CNIH3: variants seen among roughly 807,000 people sequenced by gnomAD.
The protein encoded by CNIH3 is protein cornichon homolog 3.
CNIH3 carries 14 observed loss-of-function variants against 24.1 expected under a neutral mutation model. The ratio of observed to expected loss-of-function variants is 0.58; its 90% CI spans 0.38 to 0.91. The LOEUF (loss-of-function observed/expected upper bound fraction) is 0.91. Among genes scored for constraint, CNIH3 ranks in the 40% least tolerant of loss-of-function variants. The pLI is 0.00. For synonymous variants in CNIH3, 68 were observed against 73.8 expected, an observed-to-expected ratio of 0.92 and a Z score of 0.40; for missense variants, 178 against 196.8, an observed-to-expected ratio of 0.90 and a Z score of 0.57.
intron 1 of CNIH3, among the ~76,000 whole-genome samples, chr1:224,484,262 A>G (rs947132408): frequency 9.3e-5 from 14 of 150,988 alleles, no homozygotes; most frequent in African/African-American, 3.4e-4. Context: ...AACCCTGTCT[A>G]TACTAAAAAT....
At chr1:224,621,153 A>G (rs1683259663) in intron 1 of CNIH3, among the ~76,000 whole-genome samples, 3 of 152,242 alleles carry the variant, frequency 2.0e-5, no homozygotes, top group Admixed American at 2.0e-4. Context: ...CCCTAGAAAG[A>G]TCTGATGCAC....
intron 1 of CNIH3, chr1:224,459,152 G>A: frequency 1.1e-6 from 1 of 932,560 alleles, no homozygotes; most frequent in Non-Finnish European, 1.3e-6. Context: ...GGACATCCAG[G>A]GCCCCTCTCT....
At chr1:224,434,742 G>T (rs1674562716) in exon 1 of CNIH3, 2 of 987,226 alleles carry the variant, frequency 2.0e-6, no homozygotes, top group Middle Eastern at 5.2e-4. Flanking sequence ...TCTGTCCTCG[G>T]ATCCGCTCCG....
intron 3 of CNIH3, among the ~76,000 whole-genome samples, chr1:224,707,436 G>A (rs1310804434): frequency 5.0e-5 from 7 of 139,244 alleles, no homozygotes; most frequent in Admixed American, 2.9e-4. Context: ...GACACCCCCC[G>A]CCCCACCCCG....
intron 1 of CNIH3, among the ~76,000 whole-genome samples, chr1:224,474,821 A>T (rs1013142793): frequency 1.3e-5 from 2 of 151,768 alleles, no homozygotes; most frequent in Non-Finnish European, 1.5e-5. Flanking sequence ...AGGTCAGGAG[A>T]TCGAGACCAT....
chr1:224,453,673 C>T (rs1325985635), intron 1 of CNIH3, among the ~76,000 whole-genome samples: 1 of 151,298 alleles, frequency 6.6e-6, no homozygotes, highest in Non-Finnish European at 1.5e-5. Context: ...TTATATTGCC[C>T]AGACTGGAAT....
intron 4 of CNIH3, among the ~76,000 whole-genome samples, chr1:224,732,698 G>GGC (rs1410918904): frequency 2.6e-5 from 4 of 152,166 alleles, no homozygotes. Flanking sequence ...GGGCTGTCAA[G>GGC]GCAGGGTATC....
chr1:224,513,082 T>TTTCTAGA (rs1678222905), upstream of CNIH3, among the ~76,000 whole-genome samples: 1 of 152,190 alleles, frequency 6.6e-6, no homozygotes, highest in Non-Finnish European at 1.5e-5. Flanking sequence ...TTTATCTCTT[T>TTTCTAGA]TTCTAGATGG....
chr1:224,669,392 C>T (rs976655340), intron 1 of CNIH3, among the ~76,000 whole-genome samples: 2 of 152,228 alleles, frequency 1.3e-5, no homozygotes, highest in African/African-American at 4.8e-5. Context: ...TGATGCCTCC[C>T]TCCTCAGCTC....
At chr1:224,705,661 G>A (rs776246543) in intron 3 of CNIH3, among the ~76,000 whole-genome samples, 1 of 152,144 alleles carries the variant, frequency 6.6e-6, no homozygotes. Flanking sequence ...GGTGGTGTCT[G>A]TTCTCTCTGT....
chr1:224,507,367 T>C (rs1677961851), intron 1 of CNIH3, among the ~76,000 whole-genome samples: 1 of 152,198 alleles, frequency 6.6e-6, no homozygotes, highest in Non-Finnish European at 1.5e-5. Context: ...TCTCTGTGCC[T>C]CAGTTTTCTC....
At position 224,730,512 on chromosome 1, in the gene CNIH3, G is replaced by C. The variant is rs1325427031; in HGVS notation, c.249G>C (p.Leu83=). The part of the protein sequence containing the change: ...SIHSLFCIMF[L]CAQEWLTLGL... ...ATAGCCTCTTCTGCATTATGTTCCT[G>C]TGTGCGCAAGAGTGGCTCACGCTGG... Residue 83 remains leucine, a synonymous_variant, in exon 4 of 6, where the codon CTG becomes CTC. Transcript: ENST00000272133. 6.4e-7 allele frequency: 1 copy of C among 1,562,182 alleles called. No individual in the cohort carries two copies. The highest frequency in any genetic ancestry group is 8.7e-7 in the Non-Finnish European group (1 of 1,151,752).
intron 1 of CNIH3, among the ~76,000 whole-genome samples, chr1:224,673,835 C>T (rs1027904550): frequency 1.3e-5 from 2 of 151,912 alleles, no homozygotes; most frequent in African/African-American, 4.8e-5. Flanking sequence ...TTCAGTAACC[C>T]AACATTTTCT....
chr1:224,560,415 C>A (rs1175051442), intron 3 of CNIH3, among the ~76,000 whole-genome samples: 1 of 152,170 alleles, frequency 6.6e-6, no homozygotes, highest in Non-Finnish European at 1.5e-5. Flanking sequence ...GACCCTCCAA[C>A]CCCTGGTACC....
chr1:224,549,524 A>G (rs1433473402), intron 3 of CNIH3, among the ~76,000 whole-genome samples: 3 of 152,080 alleles, frequency 2.0e-5, no homozygotes, highest in African/African-American at 7.2e-5. Flanking sequence ...AATATCACAG[A>G]CTGTATGCAC....
chr1:224,699,649 T>C (rs1687375524), intron 3 of CNIH3, among the ~76,000 whole-genome samples: 1 of 152,338 alleles, frequency 6.6e-6, no homozygotes, highest in South Asian at 2.1e-4. Context: ...TAAATCCATC[T>C]GACAGCAATA....
At chr1:224,613,772 CCT>C (rs1682808995), upstream of CNIH3, among the ~76,000 whole-genome samples, 2 of 152,192 alleles carry the variant, frequency 1.3e-5, no homozygotes, top group African/African-American at 4.8e-5. Context: ...TAAAAGCAAC[CCT>C]GAGGCCTCCC....
chr1:224,475,510 A>G (rs1676553292), intron 1 of CNIH3, among the ~76,000 whole-genome samples: 1 of 152,188 alleles, frequency 6.6e-6, no homozygotes, highest in Non-Finnish European at 1.5e-5. Context: ...TCCTAGATAC[A>G]TACAACCTAC....
At chr1:224,575,116 C>G in intron 4 of CNIH3, 1 of 910,132 alleles carries the variant, frequency 1.1e-6, no homozygotes, top group East Asian at 2.4e-5. Context: ...CCTGAGGACC[C>G]TTCCCTCCTG....
Sources: allele counts gnomAD v4.1 joint callset (sites outside exome capture counted in the v4.1 genomes callset), GRCh38; gene constraint gnomAD v4.1.1; transcripts MANE v1.5; gene names NCBI Gene and HGNC (gene_info 2026-07-23, HGNC 2026-07-21).